The following EXOC4 variants were observed in gnomAD, a reference collection of about 807,000 sequenced individuals.
The protein encoded by EXOC4 is SEC8-like 1.
In EXOC4, 71 loss-of-function variants were observed where a neutral mutation model predicts 107.2. That is an observed-to-expected ratio of 0.66 (90% CI 0.55 to 0.81). EXOC4 has a LOEUF of 0.81. Among genes scored for constraint, EXOC4 ranks in the 30% least tolerant of loss-of-function variants. EXOC4 has a pLI of 0.00. For missense variants in EXOC4, 1,108 were observed against 1,189.6 expected (o/e 0.93, Z 1.01); for synonymous variants, 456 against 441.2 (o/e 1.03, Z -0.42).
chr7:133,335,812 G>T (rs1442112383), intron 5 of EXOC4, among the ~76,000 whole-genome samples: 8 of 152,094 alleles, frequency 5.3e-5, no homozygotes, highest in Non-Finnish European at 1.0e-4. Context: ...GTGTGTAAGG[G>T]TTCTACTTCT....
chr7:133,288,363 C>CA (rs1303524272), intron 2 of EXOC4, among the ~76,000 whole-genome samples: 1 of 152,014 alleles, frequency 6.6e-6, no homozygotes, highest in African/African-American at 2.4e-5. Context: ...GAATGCAAGG[C>CA]AAAAAAGCCT....
At chr7:133,853,348 A>T (rs1414448432) in intron 11 of EXOC4, among the ~76,000 whole-genome samples, 4 of 10,120 alleles carry the variant, frequency 4.0e-4, no homozygotes, top group Non-Finnish European at 8.0e-4. Context: ...TCTCTTTAAC[A>T]CACACACACA....
At chr7:133,689,213 C>T (rs1442114175) in intron 10 of EXOC4, among the ~76,000 whole-genome samples, 6 of 152,156 alleles carry the variant, frequency 3.9e-5, no homozygotes, top group Non-Finnish European at 8.8e-5. Flanking sequence ...GTTCCTCTTA[C>T]ATCTGTTTAC....
chr7:133,859,769 G>GA (rs1026169056), intron 11 of EXOC4, among the ~76,000 whole-genome samples: 5 of 152,048 alleles, frequency 3.3e-5, no homozygotes, highest in African/African-American at 9.7e-5. Context: ...TTAAGAGTTA[G>GA]AAAAAAACAG....
At chr7:133,325,624 C>T (rs1795220443) in intron 5 of EXOC4, among the ~76,000 whole-genome samples, 2 of 152,298 alleles carry the variant, frequency 1.3e-5, no homozygotes, top group East Asian at 3.9e-4. Context: ...CCCGACCTTT[C>T]TCTCTGGCTG....
chr7:133,565,524 A>G (rs1295011158), intron 9 of EXOC4, among the ~76,000 whole-genome samples: 2 of 152,196 alleles, frequency 1.3e-5, no homozygotes, highest in Non-Finnish European at 2.9e-5. Context: ...ACTGACCTTC[A>G]GAGTTTTCGT....
intron 16 of EXOC4, among the ~76,000 whole-genome samples, chr7:134,007,408 C>G (rs1176062128): frequency 6.6e-6 from 1 of 152,150 alleles, no homozygotes; most frequent in Non-Finnish European, 1.5e-5. Flanking sequence ...GGCATGGTGG[C>G]AGTAGGTGTA....
chr7:133,888,216 C>T (rs952987176), intron 11 of EXOC4, among the ~76,000 whole-genome samples: 1 of 152,152 alleles, frequency 6.6e-6, no homozygotes, highest in African/African-American at 2.4e-5. Context: ...AAGAGCTATA[C>T]ACCTTTGTTT....
At chr7:133,330,446 C>G (rs1227330708) in intron 5 of EXOC4, among the ~76,000 whole-genome samples, 2 of 152,106 alleles carry the variant, frequency 1.3e-5, no homozygotes, top group Non-Finnish European at 2.9e-5. Context: ...TTCTGTCTTG[C>G]TGGTGTTCCA....
In EXOC4 at chr7:133,917,485, AG is replaced by A. The variant is rs1236135875; in HGVS notation, c.1872-97del. On this transcript the variant is annotated intron_variant, in intron 12 of 17. Transcript: ENST00000253861. The stretch of plus-strand genomic sequence containing the variant: ...ATGGATTATGTTCAAAGGAGAGATG[AG>A]TGTGATTTCTTTTTTCCTGCAGCAA... 4 of 1,157,864 alleles carry A rather than the reference AG, an allele frequency of 3.5e-6. No individual in the cohort carries two copies. The African/African-American group carries it at 4.6e-5, about 13-fold the overall frequency. 71.7% of individuals were successfully genotyped at this position (1,157,864 alleles called of 1,614,324 possible).
intron 5 of EXOC4, among the ~76,000 whole-genome samples, chr7:133,350,138 T>C (rs898801305): frequency 1.3e-5 from 2 of 152,128 alleles, no homozygotes; most frequent in African/African-American, 4.8e-5. Context: ...TTTTACTTTG[T>C]TCTTAGTGTC....
intron 11 of EXOC4, among the ~76,000 whole-genome samples, chr7:133,828,927 C>G (rs1797754568): frequency 6.6e-6 from 1 of 152,140 alleles, no homozygotes; most frequent in Admixed American, 6.6e-5. Flanking sequence ...AATCCAAGAA[C>G]AGTAAAGGAC....
intron 9 of EXOC4, among the ~76,000 whole-genome samples, chr7:133,621,218 ACTC>A (rs1314498943): frequency 1.3e-5 from 2 of 151,466 alleles, no homozygotes; most frequent in African/African-American, 2.4e-5. Context: ...TTGTCCTTCC[ACTC>A]CTCTTTTAAT....
chr7:133,784,168 T>A (rs143635790), intron 10 of EXOC4, among the ~76,000 whole-genome samples: 13 of 152,166 alleles, frequency 8.5e-5, no homozygotes, highest in Non-Finnish European at 1.8e-4. Flanking sequence ...TTGCTCATAT[T>A]TTTTTTTCTT....
In EXOC4 at chr7:133,351,416, G is replaced by C. The variant is rs1477574653; in HGVS notation, c.764-4914G>C. On this transcript the variant is annotated intron_variant, in intron 5 of 17. Coordinates refer to ENST00000253861, the MANE Select transcript of EXOC4 (RefSeq NM_021807.4). ...ATTTTCTATTTCTTTGTGATTTAGTGTTGATAGGTTTTATGTTTCCAGGAA... is the reference window on the plus strand; with the variant it reads ...ATTTTCTATTTCTTTGTGATTTAGTCTTGATAGGTTTTATGTTTCCAGGAA... Among the ~76,000 whole-genome samples, 6 of 151,864 alleles carry C rather than the reference G, an allele frequency of 4.0e-5. No individual in the cohort carries two copies. In the East Asian group the frequency reaches 1.2e-3, roughly 29 times the overall value.
intron 3 of EXOC4, chr7:133,290,841 A>T (rs1241484404): frequency 6.6e-6 from 1 of 152,082 alleles, no homozygotes; most frequent in Non-Finnish European, 1.5e-5. Flanking sequence ...TAATTGTTTG[A>T]CTCATGTAAC....
intron 10 of EXOC4, among the ~76,000 whole-genome samples, chr7:133,662,681 C>T (rs1391103141): frequency 6.6e-6 from 1 of 151,942 alleles, no homozygotes; most frequent in Admixed American, 6.6e-5. Context: ...CCCATTCCTC[C>T]TCTTTTCTAA....
rs189176511 is a variant in EXOC4 at position 133,301,216 on chromosome 7, C to T, written c.472-4661C>T. 1.2e-4 allele frequency among the ~76,000 whole-genome samples: 19 copies of T among 152,268 alleles called. No individual in the cohort carries two copies. The East Asian group carries it at 2.9e-3, about 23-fold the overall frequency. On this transcript the variant is annotated intron_variant, in intron 3 of 17. Coordinates refer to ENST00000253861, the MANE Select transcript of EXOC4 (RefSeq NM_021807.4). ...CTTCCAGCAGTGCAGGGGCAGGCAG[C>T]GGCAGGTAGGTGACCTGGGCACTAA...
intron 7 of EXOC4, among the ~76,000 whole-genome samples, chr7:133,445,774 G>A (rs1188659905): frequency 6.6e-6 from 1 of 152,118 alleles, no homozygotes; most frequent in African/African-American, 2.4e-5. Context: ...CAGTTTGGAA[G>A]GCGGAGGTGG....
Sources: allele counts gnomAD v4.1 joint callset (sites outside exome capture counted in the v4.1 genomes callset), GRCh38; gene constraint gnomAD v4.1.1; transcripts MANE v1.5; gene names NCBI Gene and HGNC (gene_info 2026-07-23, HGNC 2026-07-21).